The following SLC35F3 variants were observed in gnomAD, a reference collection of about 807,000 sequenced individuals.
The protein encoded by SLC35F3 is solute carrier family 35 member F3, also known as putative thiamine transporter SLC35F3.
Under a neutral mutation model 49.9 loss-of-function variants are expected in SLC35F3, and 25 were observed. The ratio of observed to expected loss-of-function variants is 0.50; its 90% CI spans 0.37 to 0.70. The LOEUF is 0.70. SLC35F3 is among the 30% of genes least tolerant of loss of function. The pLI, the probability that SLC35F3 is intolerant of heterozygous loss-of-function variation, is 0.00. For missense variants in SLC35F3, 525 were observed against 639.8 expected (o/e 0.82, Z 1.94); for synonymous variants, 275 against 265.4 (o/e 1.04, Z -0.35).
intron 2 of SLC35F3, among the ~76,000 whole-genome samples, chr1:234,212,041 G>T (rs188766252): frequency 6.6e-6 from 1 of 152,168 alleles, no homozygotes; most frequent in African/African-American, 2.4e-5. Context: ...ATAAGGGGGA[G>T]TTTCCCTGCA....
chr1:234,111,512 C>T (rs987185799), intron 2 of SLC35F3, among the ~76,000 whole-genome samples: 1 of 152,202 alleles, frequency 6.6e-6, no homozygotes, highest in Non-Finnish European at 1.5e-5. Context: ...AGGCTGGTCT[C>T]GAACTCCTGA....
intron 2 of SLC35F3, among the ~76,000 whole-genome samples, chr1:234,023,805 G>A (rs566523164): frequency 4.7e-5 from 7 of 149,708 alleles, no homozygotes; most frequent in Admixed American, 2.0e-4. Flanking sequence ...GCCCAATAAC[G>A]CCAATCTAGT....
intron 2 of SLC35F3, among the ~76,000 whole-genome samples, chr1:234,169,161 C>T (rs7546182): frequency 0.082 from 12,431 of 152,192 alleles, 1,657 homozygotes; most frequent in African/African-American, 0.28. Context: ...TTCCTCTGCC[C>T]TTTTCTTCTA....
intron 2 of SLC35F3, among the ~76,000 whole-genome samples, chr1:234,226,834 C>T (rs1667292202): frequency 6.6e-6 from 1 of 152,126 alleles, no homozygotes; most frequent in African/African-American, 2.4e-5. Flanking sequence ...TGCCTGACAG[C>T]CCTCAGGACA....
At chr1:234,096,885 C>CTTTTT (rs34404610) in intron 2 of SLC35F3, among the ~76,000 whole-genome samples, 12 of 132,102 alleles carry the variant, frequency 9.1e-5, no homozygotes, top group Non-Finnish European at 6.4e-5. Flanking sequence ...TTGTTAAATT[C>CTTTTT]TTTTTTTTTT....
At chr1:233,921,923 C>T (rs925443465) in intron 2 of SLC35F3, among the ~76,000 whole-genome samples, 1 of 151,644 alleles carries the variant, frequency 6.6e-6, no homozygotes, top group Non-Finnish European at 1.5e-5. Flanking sequence ...ATAGTTTGCT[C>T]AGAATGATGG....
At chr1:234,054,278 C>T (rs1248940090) in intron 2 of SLC35F3, among the ~76,000 whole-genome samples, 1 of 152,198 alleles carries the variant, frequency 6.6e-6, no homozygotes, top group African/African-American at 2.4e-5. Flanking sequence ...TCAGGTACAC[C>T]ATTCAGACGT....
chr1:233,921,809 C>G lies in SLC35F3; in HGVS notation c.283+16051C>G, dbSNP rs541647726. ...TAATGCTATCCCTCCCCCCTCCCCC[C>G]AACAGGCCCCAGTGTGTGATGTTCC... On this transcript the variant is annotated intron_variant, in intron 2 of 7. Transcript: ENST00000366618. Among the ~76,000 whole-genome samples the G allele has an allele frequency of 7.4e-5, 11 of 147,874 alleles. No individual in the cohort carries two copies. In the East Asian group the frequency reaches 1.4e-3, roughly 19 times the overall value.
intron 3 of SLC35F3, among the ~76,000 whole-genome samples, chr1:234,269,015 A>G (rs1050446420): frequency 6.6e-6 from 1 of 152,228 alleles, no homozygotes; most frequent in Non-Finnish European, 1.5e-5. Flanking sequence ...TAAGCCCATG[A>G]TAATAGTAGT....
chr1:233,912,645 A>T (rs1255813380), intron 2 of SLC35F3, among the ~76,000 whole-genome samples: 1 of 152,206 alleles, frequency 6.6e-6, no homozygotes, highest in African/African-American at 2.4e-5. Context: ...ACTGAACCCA[A>T]TATACACTAT....
intron 2 of SLC35F3, among the ~76,000 whole-genome samples, chr1:234,017,851 A>G (rs577754184): frequency 3.9e-5 from 6 of 151,934 alleles, no homozygotes; most frequent in African/African-American, 1.4e-4. Context: ...TTAACATTGA[A>G]CCCCTAGCCA....
chr1:234,109,901 C>T (rs12097294), intron 2 of SLC35F3, among the ~76,000 whole-genome samples: 24,990 of 152,074 alleles, frequency 0.16, 2,627 homozygotes, highest in Middle Eastern at 0.28. Context: ...ATGGGTGTGG[C>T]GAGATGCCAT....
intron 2 of SLC35F3, among the ~76,000 whole-genome samples, chr1:234,168,556 G>A (rs1424711673): frequency 6.6e-6 from 1 of 152,260 alleles, no homozygotes; most frequent in African/African-American, 2.4e-5. Context: ...GGACAAGACA[G>A]CTTGCCAGAA....
chr1:234,261,245 T>C (rs6586380), intron 3 of SLC35F3, among the ~76,000 whole-genome samples: 88,156 of 151,816 alleles, frequency 0.58, 25,834 homozygotes, highest in Admixed American at 0.65. Context: ...ATTAAGAAAG[T>C]AAAGGAATAA....
intron 3 of SLC35F3, among the ~76,000 whole-genome samples, chr1:234,249,997 G>T (rs531839655): frequency 6.6e-6 from 1 of 152,262 alleles, no homozygotes; most frequent in East Asian, 1.9e-4. Flanking sequence ...ACAGTATGCC[G>T]TGTCTCCCAG....
rs185826292 is a variant in SLC35F3, at chr1:234,104,997, G to A, written c.284-126420G>A. 5.5e-3 allele frequency among the ~76,000 whole-genome samples: 839 copies of A among 152,052 alleles called. 5 individuals carry two copies. The highest frequency in any genetic ancestry group is 0.019 in the African/African-American group (798 of 41,464). On this transcript the variant is annotated intron_variant, in intron 2 of 7. Transcript: ENST00000366618. Reference sequence around the variant, plus strand: ...TACAAAATTAGCTGGGCGTGGTGGCGGGCACCTGTAGTCCCAGCTACTCTG... The same window carrying A: ...TACAAAATTAGCTGGGCGTGGTGGCAGGCACCTGTAGTCCCAGCTACTCTG...
chr1:234,233,672 T>C (rs1289580467), intron 3 of SLC35F3, among the ~76,000 whole-genome samples: 1 of 152,226 alleles, frequency 6.6e-6, no homozygotes, highest in East Asian at 1.9e-4. Flanking sequence ...TTTCAACCTA[T>C]TGTCTTCCTA....
chr1:233,995,420 G>A (rs1663442410), intron 2 of SLC35F3, among the ~76,000 whole-genome samples: 1 of 152,144 alleles, frequency 6.6e-6, no homozygotes, highest in Admixed American at 6.5e-5. Flanking sequence ...ATAAACCTGA[G>A]CCTGGCTGGC....
intron 3 of SLC35F3, among the ~76,000 whole-genome samples, chr1:234,293,940 G>A (rs1301139738): frequency 6.6e-6 from 1 of 152,184 alleles, no homozygotes; most frequent in Non-Finnish European, 1.5e-5. Flanking sequence ...TTGAGACCAG[G>A]AAAACACAGC....
Sources: allele counts gnomAD v4.1 joint callset (sites outside exome capture counted in the v4.1 genomes callset), GRCh38; gene constraint gnomAD v4.1.1; transcripts MANE v1.5; gene names NCBI Gene and HGNC (gene_info 2026-07-23, HGNC 2026-07-21).